The following EFCAB11 variants were observed in gnomAD, a reference collection of about 807,000 sequenced individuals.
EFCAB11 encodes EF-hand calcium binding domain 11, also known as EF-hand calcium-binding domain-containing protein 11.
In EFCAB11, 14 loss-of-function variants were observed where a neutral mutation model predicts 23.0. That is an observed-to-expected ratio of 0.61 (90% confidence interval 0.40 to 0.95). The LOEUF (loss-of-function observed/expected upper bound fraction) is 0.95. EFCAB11 is among the 40% of genes least tolerant of loss of function. The pLI is 0.00. For missense variants in EFCAB11, 198 were observed against 195.8 expected (o/e 1.01, Z -0.07); for synonymous variants, 65 against 66.6 (o/e 0.98, Z 0.11).
intron 5 of EFCAB11, among the ~76,000 whole-genome samples, chr14:89,862,854 TAAA>T (rs898359118): frequency 1.4e-4 from 22 of 152,318 alleles, no homozygotes; most frequent in Middle Eastern, 3.4e-3. Context: ...CTGAGTTAGG[TAAA>T]ACTAGCAGGA....
chr14:89,903,268 C>A (rs1487916617), intron 5 of EFCAB11, among the ~76,000 whole-genome samples: 1 of 152,170 alleles, frequency 6.6e-6, no homozygotes, highest in Non-Finnish European at 1.5e-5. Flanking sequence ...CAGATTTAAA[C>A]CTCCTCATTT....
At chr14:89,950,822 C>G (rs1283803246) in intron 2 of EFCAB11, among the ~76,000 whole-genome samples, 1 of 152,142 alleles carries the variant, frequency 6.6e-6, no homozygotes, top group African/African-American at 2.4e-5. Context: ...TCGAACCCTT[C>G]CCAGTATTTC....
intron 5 of EFCAB11, among the ~76,000 whole-genome samples, chr14:89,858,802 C>G (rs1165601716): frequency 6.6e-6 from 1 of 150,436 alleles, no homozygotes; most frequent in Non-Finnish European, 1.5e-5. Flanking sequence ...TTTTTGTATT[C>G]AGGATGGCAT....
chr14:89,930,326 A>G (rs1890345970), intron 5 of EFCAB11, among the ~76,000 whole-genome samples: 1 of 152,240 alleles, frequency 6.6e-6, no homozygotes, highest in South Asian at 2.1e-4. Context: ...TCATTAAGTT[A>G]CTTTTATCCC....
At chr14:89,896,903 A>AT (rs1182886194) in intron 5 of EFCAB11, among the ~76,000 whole-genome samples, 3 of 152,004 alleles carry the variant, frequency 2.0e-5, no homozygotes, top group South Asian at 4.2e-4. Flanking sequence ...TTTATTTTGT[A>AT]TTTTTTGTAG....
intron 5 of EFCAB11, among the ~76,000 whole-genome samples, chr14:89,922,704 C>T (rs1389032028): frequency 2.6e-5 from 4 of 152,168 alleles, no homozygotes; most frequent in East Asian, 1.9e-4. Context: ...AACTGTGCTA[C>T]GGGTGTGGGG....
rs193060328 is a variant in EFCAB11, at chr14:89,871,116, G to A, written c.410+60425C>T. On this transcript the variant is annotated intron_variant, in intron 5 of 5. Transcript: ENST00000316738. ...TCTTGAAATGTGGATTTTTTAGTTTGATTAAATCCTGTGAAAATCTTTGAG... is the reference window on the plus strand; with the variant it reads ...TCTTGAAATGTGGATTTTTTAGTTTAATTAAATCCTGTGAAAATCTTTGAG... 5.8e-4 allele frequency among the ~76,000 whole-genome samples: 88 copies of A among 152,072 alleles called. 1 individual carries two copies. The highest frequency in any genetic ancestry group is 1.5e-4 in the Non-Finnish European group (10 of 67,998).
At chr14:89,847,165 A>G (rs61157739) in intron 5 of EFCAB11, among the ~76,000 whole-genome samples, 2,405 of 152,298 alleles carry the variant, frequency 0.016, 54 homozygotes, top group African/African-American at 0.055. Flanking sequence ...AATCCTTTTC[A>G]TATTGCCAAA....
intron 5 of EFCAB11, among the ~76,000 whole-genome samples, chr14:89,901,419 T>C (rs1889333705): frequency 6.6e-6 from 1 of 152,214 alleles, no homozygotes; most frequent in East Asian, 1.9e-4. Flanking sequence ...AAAGTTACTC[T>C]AAAATGAAAG....
At chr14:89,906,316 T>C (rs1375899869) in intron 5 of EFCAB11, among the ~76,000 whole-genome samples, 1 of 152,194 alleles carries the variant, frequency 6.6e-6, no homozygotes, top group Non-Finnish European at 1.5e-5. Context: ...TTACCTGATA[T>C]ATCTGTTAAT....
intron 5 of EFCAB11, among the ~76,000 whole-genome samples, chr14:89,882,374 T>C (rs1049578281): frequency 3.3e-5 from 5 of 152,188 alleles, no homozygotes; most frequent in African/African-American, 1.2e-4. Context: ...CATTTTGATA[T>C]AGTGACTTTG....
intron 5 of EFCAB11, among the ~76,000 whole-genome samples, chr14:89,908,617 C>T (rs1454290803): frequency 1.3e-5 from 2 of 152,006 alleles, no homozygotes; most frequent in Non-Finnish European, 2.9e-5. Flanking sequence ...GCAAATATTC[C>T]AAAATCTGAA....
chr14:89,801,741 C>T (rs1885787739), intron 5 of EFCAB11, among the ~76,000 whole-genome samples: 1 of 152,136 alleles, frequency 6.6e-6, no homozygotes, highest in African/African-American at 2.4e-5. Flanking sequence ...ACACTGTAAT[C>T]CCAGCATTTT....
At chr14:89,810,335 T>C (rs1323336100) in intron 5 of EFCAB11, among the ~76,000 whole-genome samples, 1 of 152,234 alleles carries the variant, frequency 6.6e-6, no homozygotes, top group East Asian at 1.9e-4. Context: ...AACATTTGGA[T>C]CCTGCTATTT....
At chr14:89,887,007 C>T (rs558471528) in intron 5 of EFCAB11, among the ~76,000 whole-genome samples, 11 of 152,162 alleles carry the variant, frequency 7.2e-5, no homozygotes, top group Admixed American at 6.5e-4. Flanking sequence ...AGATCAAATA[C>T]CATACTAATA....
intron 5 of EFCAB11, among the ~76,000 whole-genome samples, chr14:89,825,740 G>T (rs868113035): frequency 6.7e-6 from 1 of 149,600 alleles, no homozygotes; most frequent in Non-Finnish European, 1.5e-5. Flanking sequence ...TTTATTTCTC[G>T]AAAAAAAAAG....
At chr14:89,917,742 G>A (rs1474667952) in intron 5 of EFCAB11, among the ~76,000 whole-genome samples, 1 of 152,148 alleles carries the variant, frequency 6.6e-6, no homozygotes, top group Non-Finnish European at 1.5e-5. Flanking sequence ...TTGGTTCTGT[G>A]ACTTCTTTGA....
chr14:89,921,999 G>A (rs1183141114), intron 5 of EFCAB11, among the ~76,000 whole-genome samples: 1 of 152,120 alleles, frequency 6.6e-6, no homozygotes, highest in Non-Finnish European at 1.5e-5. Context: ...AAAGGAAATG[G>A]CATGAATACA....
intron 5 of EFCAB11, among the ~76,000 whole-genome samples, chr14:89,917,226 T>C (rs1055523008): frequency 6.6e-6 from 1 of 152,070 alleles, no homozygotes; most frequent in East Asian, 1.9e-4. Flanking sequence ...AAATTTTGTA[T>C]CCTCTGACCG....
Sources: allele counts gnomAD v4.1 joint callset (sites outside exome capture counted in the v4.1 genomes callset), GRCh38; gene constraint gnomAD v4.1.1; transcripts MANE v1.5; gene names NCBI Gene and HGNC (gene_info 2026-07-23, HGNC 2026-07-21).